Variants in MSTO1 observed in about 807,000 individuals in gnomAD.
MSTO1 encodes the protein misato mitochondrial distribution and morphology regulator 1.
A neutral mutation model predicts 55.7 loss-of-function variants in MSTO1; 24 were observed. The observed-to-expected ratio is 0.43, with a 90% CI of 0.31 to 0.61. MSTO1 has a LOEUF of 0.61. MSTO1 is among the 20% of genes least tolerant of loss of function. The pLI, the probability that MSTO1 is intolerant of heterozygous loss-of-function variation, is 0.09. For missense variants in MSTO1, 363 were observed against 625.7 expected (o/e 0.58, Z 4.48); for synonymous variants, 162 against 252.8 (o/e 0.64, Z 3.41).
At chr1:155,568,739 GTTT>G in the MSTO1 span, among the ~76,000 whole-genome samples, 2 of 151,956 alleles carry the variant, frequency 1.3e-5, no homozygotes, top group African/African-American at 4.8e-5. Flanking sequence ...CACCCAGCCA[GTTT>G]TTTTGTTTTG....
Position 155,614,539 on chromosome 1 carries a change from T to C in MSTO1, c.*266T>C. The C allele has an allele frequency of 1.6e-6, 1 of 620,808 alleles. No individual in the cohort carries two copies. The highest frequency in any genetic ancestry group is 2.9e-6 in the Non-Finnish European group (1 of 342,138). 38.5% of individuals were successfully genotyped at this position (620,808 alleles called of 1,614,324 possible). Reference sequence around the variant, plus strand: ...AGTCTTCATAAAAGACCTTGAATGATGCCTAGGATGGCAGAGCCCCTGGGT... The same window carrying C: ...AGTCTTCATAAAAGACCTTGAATGACGCCTAGGATGGCAGAGCCCCTGGGT... On this transcript the variant is annotated 3_prime_UTR_variant, in exon 14 of 14. Transcript: ENST00000245564.
chr1:155,585,298 C>T, the MSTO1 span, among the ~76,000 whole-genome samples: 5 of 152,054 alleles, frequency 3.3e-5, no homozygotes, highest in East Asian at 1.9e-4. Flanking sequence ...CCAAGGCGGG[C>T]GGATCACGAG....
chr1:155,612,082 G>A lies in MSTO1; in HGVS notation c.660G>A (p.Glu220=). Residue 220 remains glutamate (E), a synonymous_variant, in exon 7 of 14, where the codon GAG becomes GAA. Transcript: ENST00000245564. ...AGGACAGGCTGCATTTCTACGTGGA[G>A]GAATGTGACTACTTGCAGGTAGTGG... ...ELEDRLHFYV[E]ECDYLQGFQI... 1 of 1,611,060 alleles carries A rather than the reference G, an allele frequency of 6.2e-7. No individual in the cohort carries two copies. Among genetic ancestry groups the A allele is most frequent in the Non-Finnish European group, 8.5e-7 (1 of 1,179,194 alleles).
rs372912941 is a variant in MSTO1, at chr1:155,614,102, G to A, written c.1542G>A (p.Ser514=). ...IPVFGALCSS[S]SLHQTLEALA... is the part of the protein sequence containing the mutation. Reference sequence around the variant, plus strand: ...TGTTTGGGGCACTGTGTTCCTCTTCGTCCCTGCACCAGACCCTGGAAGCCT... The same window carrying A: ...TGTTTGGGGCACTGTGTTCCTCTTCATCCCTGCACCAGACCCTGGAAGCCT... Residue 514 remains serine, a synonymous_variant, in exon 14 of 14, where the codon TCG becomes TCA. Transcript: ENST00000245564. The A allele has an allele frequency of 2.2e-5, 33 of 1,496,088 alleles. No individual in the cohort carries two copies. The African/African-American group carries it at 2.9e-4, about 13-fold the overall frequency. 92.7% of individuals were successfully genotyped at this position (1,496,088 alleles called of 1,614,324 possible).
chr1:155,569,780 G>A, the MSTO1 span, among the ~76,000 whole-genome samples: 11 of 151,648 alleles, frequency 7.3e-5, no homozygotes, highest in African/African-American at 1.2e-4. Context: ...TTTTTTTTAC[G>A]AAAATGTTTG....
At chr1:155,594,497 G>T in the MSTO1 span, among the ~76,000 whole-genome samples, 4 of 152,156 alleles carry the variant, frequency 2.6e-5, no homozygotes, top group Admixed American at 2.0e-4. Flanking sequence ...ACATGTTTTA[G>T]CATGGTCCTA....
the MSTO1 span, among the ~76,000 whole-genome samples, chr1:155,574,081 G>C: frequency 6.6e-6 from 1 of 152,078 alleles, no homozygotes; most frequent in Admixed American, 6.6e-5. Context: ...ATTAGGCTGG[G>C]TGCAGTGGCT....
rs1315779130 is a variant in MSTO1 at position 155,614,092 on chromosome 1, G to A, written c.1532G>A (p.Cys511Tyr). The change falls in exon 14 of 14, where the codon TGT becomes TAT. Residue 511 changes from cysteine (C) to tyrosine (Y), a missense_variant. Transcript: ENST00000245564. ...AGCATCCCAGTGTTTGGGGCACTGT[G>A]TTCCTCTTCGTCCCTGCACCAGACC... ...VESIPVFGALCSSSSLHQTLE... is the reference protein window; with the variant it reads ...VESIPVFGALYSSSSLHQTLE... The A allele has an allele frequency of 2.0e-6, 3 of 1,480,552 alleles. No homozygotes were observed. The East Asian group carries it at 6.9e-5, about 34-fold the overall frequency. 91.7% of individuals were successfully genotyped at this position (1,480,552 alleles called of 1,614,324 possible). A position where few individuals can be genotyped will look rare whatever the true frequency, so the allele number is the denominator to read the frequency against.
chr1:155,577,892 C>T, the MSTO1 span, among the ~76,000 whole-genome samples: 1 of 151,886 alleles, frequency 6.6e-6, no homozygotes, highest in African/African-American at 2.4e-5. Flanking sequence ...GCTACAAGCA[C>T]GAGCCACTAC....
In MSTO1 at chr1:155,612,284, TG is replaced by T; in HGVS notation, c.785del (p.Gly262AlafsTer20). The T allele has an allele frequency of 6.3e-7, 1 of 1,590,452 alleles. No homozygotes were observed. Among genetic ancestry groups the T allele is most frequent in the Non-Finnish European group, 8.6e-7 (1 of 1,166,944 alleles). ...ATATTCAGGGCGGGGAATAATAACC[TG>T]GGGCCTGCTACCTGGTCCCTACCAT... ...DEYSGRGIIT[W>X]GLLPGPYHRG... On this transcript the variant is annotated frameshift_variant, in exon 8 of 14. Transcript: ENST00000245564. LOFTEE classifies it high-confidence loss of function.
At chr1:155,588,004 G>A in the MSTO1 span, among the ~76,000 whole-genome samples, 757 of 151,806 alleles carry the variant, frequency 5.0e-3, 2 homozygotes, top group Non-Finnish European at 7.9e-3. Flanking sequence ...CCAGGAGTTC[G>A]AGACCAGCCT....
chr1:155,580,115 T>C, the MSTO1 span, among the ~76,000 whole-genome samples: 1 of 150,578 alleles, frequency 6.6e-6, no homozygotes, highest in Admixed American at 6.6e-5. Context: ...TTATTCTCTC[T>C]GGGTATAGTG....
chr1:155,567,910 G>A, the MSTO1 span, among the ~76,000 whole-genome samples: 2 of 151,428 alleles, frequency 1.3e-5, no homozygotes, highest in East Asian at 2.0e-4. Context: ...GGTGGTGGGC[G>A]CGTGTAATCC....
the MSTO1 span, among the ~76,000 whole-genome samples, chr1:155,601,380 G>A: frequency 3.3e-5 from 5 of 151,938 alleles, no homozygotes; most frequent in South Asian, 2.1e-4. Flanking sequence ...CAAGTGATCC[G>A]CCCGACTTGA....
At chr1:155,579,137 G>A in the MSTO1 span, among the ~76,000 whole-genome samples, 1 of 151,346 alleles carries the variant, frequency 6.6e-6, no homozygotes, top group Non-Finnish European at 1.5e-5. Flanking sequence ...GAGAAACCCC[G>A]TCTCTACTGA....
chr1:155,607,166 T>C, upstream of MSTO1, among the ~76,000 whole-genome samples: 1 of 151,098 alleles, frequency 6.6e-6, no homozygotes, highest in Admixed American at 6.6e-5. Flanking sequence ...TCAACATAAA[T>C]GAATTTAGGT....
chr1:155,587,637 G>T, the MSTO1 span, among the ~76,000 whole-genome samples: 88 of 151,352 alleles, frequency 5.8e-4, no homozygotes, highest in Admixed American at 3.6e-3. Flanking sequence ...CCAGCTACTT[G>T]GGAGGCTGAG....
the MSTO1 span, among the ~76,000 whole-genome samples, chr1:155,590,325 C>G: frequency 6.6e-6 from 1 of 152,086 alleles, no homozygotes; most frequent in African/African-American, 2.4e-5. Flanking sequence ...CACATTAGTT[C>G]CACAGCTTGA....
chr1:155,589,143 C>T, the MSTO1 span, among the ~76,000 whole-genome samples: 5 of 151,924 alleles, frequency 3.3e-5, no homozygotes, highest in African/African-American at 1.2e-4. Flanking sequence ...ACTAAAAATA[C>T]AAAAATTAGC....
Sources: allele counts gnomAD v4.1 joint callset (sites outside exome capture counted in the v4.1 genomes callset), GRCh38; gene constraint gnomAD v4.1.1; transcripts MANE v1.5; gene names NCBI Gene and HGNC (gene_info 2026-07-23, HGNC 2026-07-21).